The following RIN2 variants were observed in gnomAD, a reference collection of about 807,000 sequenced individuals.
The protein encoded by RIN2 is RAB5 interacting protein 2.
RIN2 carries 36 observed loss-of-function variants against 78.0 expected under a neutral mutation model. That is an observed-to-expected ratio of 0.46 (90% CI 0.35 to 0.61). The LOEUF (loss-of-function observed/expected upper bound fraction) is 0.61. RIN2 is among the 20% of genes least tolerant of loss of function. The probability of loss-of-function intolerance (pLI) is 0.00; values close to 1 mark genes in which losing one functional copy is unlikely to be tolerated. For synonymous variants in RIN2, 466 were observed against 466.8 expected, an observed-to-expected ratio of 1.00 and a Z score of 0.02; for missense variants, 1,087 against 1,159.7, an observed-to-expected ratio of 0.94 and a Z score of 0.91.
chr20:19,853,230 G>A (rs564031773), intron 2 of RIN2, among the ~76,000 whole-genome samples: 78 of 152,116 alleles, frequency 5.1e-4, no homozygotes, highest in Non-Finnish European at 9.1e-4. Context: ...TTTTATGGCT[G>A]CATAGTATTC....
chr20:20,000,571 T>C (rs1000341740), intron 12 of RIN2, 42 bp from the exon 13 acceptor site: 2 of 1,500,512 alleles, frequency 1.3e-6, no homozygotes. Context: ...CACTATCTAG[T>C]TTTCTCTTCT....
At chr20:19,816,403 G>T (rs13045300) in intron 2 of RIN2, among the ~76,000 whole-genome samples, 46,102 of 151,950 alleles carry the variant, frequency 0.3, 7,336 homozygotes, top group African/African-American at 0.4. Flanking sequence ...ATGAGAACTC[G>T]AATTTTCCTG....
intron 2 of RIN2, among the ~76,000 whole-genome samples, chr20:19,873,537 C>T (rs1009346969): frequency 1.3e-5 from 2 of 152,150 alleles, no homozygotes; most frequent in Admixed American, 6.5e-5. Flanking sequence ...CAGCTATAGA[C>T]TATATGTTAA....
At chr20:19,993,400 C>G (rs904859610) in intron 11 of RIN2, among the ~76,000 whole-genome samples, 6 of 151,740 alleles carry the variant, frequency 4.0e-5, no homozygotes, top group Admixed American at 6.6e-5. Context: ...TTTACCACCC[C>G]CAGAATGTGC....
intron 2 of RIN2, among the ~76,000 whole-genome samples, chr20:19,823,047 T>C (rs1041430880): frequency 3.3e-5 from 5 of 152,222 alleles, no homozygotes; most frequent in African/African-American, 1.2e-4. Flanking sequence ...AAGTGCTTTT[T>C]CATGGACTGT....
chr20:19,853,068 T>C (rs1398100599), intron 2 of RIN2, among the ~76,000 whole-genome samples: 1 of 134,662 alleles, frequency 7.4e-6, no homozygotes. Context: ...GTGTGTGATG[T>C]TCCCCTTCCT....
intron 2 of RIN2, among the ~76,000 whole-genome samples, chr20:19,835,686 G>C (rs1224807903): frequency 6.6e-6 from 1 of 151,460 alleles, no homozygotes; most frequent in Non-Finnish European, 1.5e-5. Context: ...ATTCGGGCCT[G>C]CATTGCTTTG....
intron 3 of RIN2, among the ~76,000 whole-genome samples, chr20:19,923,155 C>T (rs962303857): frequency 3.3e-5 from 5 of 152,194 alleles, no homozygotes; most frequent in Admixed American, 6.5e-5. Context: ...CGGTAGCTCA[C>T]GCCTGTAATC....
chr20:19,995,173 C>G (rs952213828), intron 11 of RIN2, among the ~76,000 whole-genome samples: 2 of 150,938 alleles, frequency 1.3e-5, no homozygotes, highest in Non-Finnish European at 2.9e-5. Context: ...TACTTTGGCC[C>G]TAAAGGTGAC....
rs558473685 is a variant in RIN2 at position 19,938,359 on chromosome 20, C to T, written c.158+3160C>T. ...TCAGCCTCCCAAGTAGTTGGAAGCA[C>T]GGGTGCCCACCACCACACCCAGCTA... On this transcript the variant is annotated intron_variant, in intron 4 of 12. Coordinates refer to ENST00000255006, the MANE Select transcript of RIN2 (RefSeq NM_018993.4). Among the ~76,000 whole-genome samples the T allele has an allele frequency of 2.3e-4, 35 of 152,176 alleles. No homozygotes were observed. The South Asian group carries it at 5.4e-3, about 23-fold the overall frequency.
intron 2 of RIN2, among the ~76,000 whole-genome samples, chr20:19,801,600 C>T (rs1435377753): frequency 1.3e-5 from 2 of 152,204 alleles, no homozygotes; most frequent in South Asian, 2.1e-4. Flanking sequence ...GGATTACAGG[C>T]GTGAGCCACC....
chr20:19,910,293 A>G (rs2039404428), intron 3 of RIN2, among the ~76,000 whole-genome samples: 1 of 149,660 alleles, frequency 6.7e-6, no homozygotes. Context: ...TTCCCCTTGA[A>G]TCCTGAGTAG....
chr20:19,866,850 C>T (rs1171413204), intron 2 of RIN2, among the ~76,000 whole-genome samples: 2 of 152,080 alleles, frequency 1.3e-5, no homozygotes, highest in African/African-American at 2.4e-5. Context: ...ATCTCGATCT[C>T]CTGACCTCAA....
Position 19,961,001 on chromosome 20 carries a change from C to T in RIN2, c.463+190C>T, listed in dbSNP as rs1157242862. Among the ~76,000 whole-genome samples, 5 of 152,290 alleles carry T rather than the reference C, an allele frequency of 3.3e-5. No homozygotes were observed. The South Asian group carries it at 8.3e-4, about 25-fold the overall frequency. ...CTGTGTAATGGGATGATGGTAACCT[C>T]TGAGATGTTAATGAGTCAAACAACC... On this transcript the variant is annotated intron_variant, in intron 6 of 12. Transcript: ENST00000255006.
At chr20:19,799,262 G>A (rs958404945) in intron 1 of RIN2, among the ~76,000 whole-genome samples, 1 of 152,166 alleles carries the variant, frequency 6.6e-6, no homozygotes, top group African/African-American at 2.4e-5. Flanking sequence ...AAGATTTCGG[G>A]ATCCTTTTTG....
At chr20:19,970,787 TAGAA>T in intron 7 of RIN2, 47 bp from the exon 8 acceptor site, 1 of 1,374,796 alleles carries the variant, frequency 7.3e-7, no homozygotes, top group South Asian at 1.2e-5. Flanking sequence ...AAACACAAGA[TAGAA>T]AGCAGACATG....
At chr20:19,883,087 C>A (rs2038074964) in intron 2 of RIN2, among the ~76,000 whole-genome samples, 1 of 152,100 alleles carries the variant, frequency 6.6e-6, no homozygotes, top group Non-Finnish European at 1.5e-5. Context: ...TTTTCAATGA[C>A]CTTGCGGGTA....
chr20:19,797,325 A>G (rs1160829550), intron 1 of RIN2, among the ~76,000 whole-genome samples: 2 of 152,344 alleles, frequency 1.3e-5, no homozygotes, highest in African/African-American at 2.4e-5. Context: ...GTTTCAGGAA[A>G]ACATTATCCC....
chr20:19,903,292 C>T (rs552955408), intron 3 of RIN2, among the ~76,000 whole-genome samples: 1 of 151,910 alleles, frequency 6.6e-6, no homozygotes, highest in Non-Finnish European at 1.5e-5. Context: ...GAGCAGCCAG[C>T]GCTCGTGTGT....
Sources: allele counts gnomAD v4.1 joint callset (sites outside exome capture counted in the v4.1 genomes callset), GRCh38; gene constraint gnomAD v4.1.1; transcripts MANE v1.5; gene names NCBI Gene and HGNC (gene_info 2026-07-23, HGNC 2026-07-21).